The following CCBE1 variants were observed in gnomAD, a reference collection of about 807,000 sequenced individuals.
CCBE1 encodes collagen and calcium-binding EGF domain-containing protein 1.
A neutral mutation model predicts 50.0 loss-of-function variants in CCBE1; 37 were observed. That is an observed-to-expected ratio of 0.74 (90% CI 0.57 to 0.97). CCBE1 has a LOEUF of 0.97. Among genes scored for constraint, CCBE1 ranks in the 50% least tolerant of loss-of-function variants. CCBE1 has a pLI of 0.00. For synonymous variants in CCBE1, 234 were observed against 203.7 expected (o/e 1.15, Z -1.27); for missense variants, 538 against 523.8 (o/e 1.03, Z -0.26).
chr18:59,540,976 C>T (rs190166877), intron 2 of CCBE1, among the ~76,000 whole-genome samples: 1 of 152,270 alleles, frequency 6.6e-6, no homozygotes, highest in Admixed American at 6.5e-5. Context: ...AGACCTAGTC[C>T]CTAGAGGCAG....
intron 2 of CCBE1, among the ~76,000 whole-genome samples, chr18:59,532,528 G>A (rs1351315474): frequency 1.3e-5 from 2 of 152,196 alleles, no homozygotes; most frequent in Non-Finnish European, 2.9e-5. Flanking sequence ...TTGAAGACTA[G>A]CTTGGGCAGG....
At chr18:59,442,682 C>T (rs6567084) in intron 7 of CCBE1, among the ~76,000 whole-genome samples, 1 of 152,038 alleles carries the variant, frequency 6.6e-6, no homozygotes, top group Non-Finnish European at 1.5e-5. Flanking sequence ...GAGCCGAGAT[C>T]ATGCCACTGC....
chr18:59,649,035 G>A (rs1221364281), intron 2 of CCBE1, among the ~76,000 whole-genome samples: 1 of 152,194 alleles, frequency 6.6e-6, no homozygotes, highest in Non-Finnish European at 1.5e-5. Context: ...GGGAAAGGGG[G>A]AGAGTGTCTG....
intron 3 of CCBE1, among the ~76,000 whole-genome samples, chr18:59,477,020 A>T (rs908523146): frequency 1.1e-4 from 16 of 152,210 alleles, no homozygotes; most frequent in African/African-American, 3.4e-4. Context: ...CCTAGTTTCA[A>T]AGGGAGGAAT....
chr18:59,685,516 A>C (rs1400082172), intron 2 of CCBE1, among the ~76,000 whole-genome samples: 1 of 152,176 alleles, frequency 6.6e-6, no homozygotes, highest in African/African-American at 2.4e-5. Context: ...CTGACAAAGA[A>C]CCAGGCTGCT....
intron 3 of CCBE1, among the ~76,000 whole-genome samples, chr18:59,475,429 A>G (rs1332075152): frequency 6.6e-6 from 1 of 152,166 alleles, no homozygotes; most frequent in Non-Finnish European, 1.5e-5. Flanking sequence ...TAACCTTGAG[A>G]CTTATCTGTA....
intron 6 of CCBE1, among the ~76,000 whole-genome samples, chr18:59,450,918 A>G (rs1319342028): frequency 6.6e-6 from 1 of 152,174 alleles, no homozygotes; most frequent in Non-Finnish European, 1.5e-5. Context: ...ATTATTGAGA[A>G]GCCATATAAC....
intron 2 of CCBE1, among the ~76,000 whole-genome samples, chr18:59,649,062 G>A (rs2054093254): frequency 6.6e-6 from 1 of 152,228 alleles, no homozygotes; most frequent in Non-Finnish European, 1.5e-5. Flanking sequence ...GGACGATTCA[G>A]TGGTCCATCA....
intron 2 of CCBE1, among the ~76,000 whole-genome samples, chr18:59,547,846 C>T (rs969873946): frequency 6.6e-6 from 1 of 152,216 alleles, no homozygotes; most frequent in African/African-American, 2.4e-5. Flanking sequence ...GCTTGGCTGC[C>T]ACAGCTGATT....
intron 4 of CCBE1, among the ~76,000 whole-genome samples, chr18:59,468,888 T>C (rs1911886941): frequency 6.6e-6 from 1 of 151,914 alleles, no homozygotes; most frequent in African/African-American, 2.4e-5. Context: ...TTGGGTTAGT[T>C]ATGAACTGAC....
chr18:59,626,328 C>A (rs2053784316), intron 2 of CCBE1, among the ~76,000 whole-genome samples: 1 of 152,134 alleles, frequency 6.6e-6, no homozygotes, highest in Admixed American at 6.5e-5. Flanking sequence ...CCAAGCTTTC[C>A]TTAAGGTGAA....
At chr18:59,672,925 T>A (rs923692734) in intron 2 of CCBE1, among the ~76,000 whole-genome samples, 1 of 151,992 alleles carries the variant, frequency 6.6e-6, no homozygotes, top group Non-Finnish European at 1.5e-5. Flanking sequence ...GGGTGATAGG[T>A]ACATCAAGAT....
intron 2 of CCBE1, among the ~76,000 whole-genome samples, chr18:59,545,625 G>A (rs1014430354): frequency 1.3e-5 from 2 of 152,142 alleles, no homozygotes; most frequent in African/African-American, 4.8e-5. Flanking sequence ...ATAAGGTTTG[G>A]CTGTGTCCAC....
intron 2 of CCBE1, among the ~76,000 whole-genome samples, chr18:59,590,213 A>G (rs1402555925): frequency 1.3e-5 from 2 of 152,188 alleles, no homozygotes; most frequent in Non-Finnish European, 2.9e-5. Flanking sequence ...TAGTAAAACT[A>G]TATGTGCAAA....
chr18:59,579,188 G>C (rs2564485), intron 2 of CCBE1, among the ~76,000 whole-genome samples: 6 of 151,872 alleles, frequency 4.0e-5, no homozygotes, highest in Admixed American at 3.9e-4. Context: ...GACAACTACT[G>C]TAATTGTGTA....
rs2052762365 is a variant in CCBE1 at position 59,562,920 on chromosome 18, G to T, written c.213-82682C>A. On this transcript the variant is annotated intron_variant, in intron 2 of 10. Coordinates refer to ENST00000439986, the MANE Select transcript of CCBE1 (RefSeq NM_133459.4). ...CTCGTTTGTTTCAGTTCTCTTGTTT[G>T]TTTCCCAGTTTGAGTGGTGGTGTTC... Among the ~76,000 whole-genome samples, 3 of 152,244 alleles carry T rather than the reference G, an allele frequency of 2.0e-5. No individual in the cohort carries two copies. The South Asian group carries it at 6.2e-4, about 32-fold the overall frequency.
intron 2 of CCBE1, among the ~76,000 whole-genome samples, chr18:59,576,569 C>T (rs186128793): frequency 6.6e-6 from 1 of 152,272 alleles, no homozygotes; most frequent in East Asian, 1.9e-4. Context: ...CTAAAAGTTG[C>T]CTCTGTCTGC....
chr18:59,560,562 C>T (rs2052721229), intron 2 of CCBE1, among the ~76,000 whole-genome samples: 2 of 152,142 alleles, frequency 1.3e-5, no homozygotes, highest in African/African-American at 4.8e-5. Flanking sequence ...CACATGTATA[C>T]CTATGTAACA....
At chr18:59,596,747 C>G (rs768444514) in intron 2 of CCBE1, among the ~76,000 whole-genome samples, 1 of 152,226 alleles carries the variant, frequency 6.6e-6, no homozygotes, top group African/African-American at 2.4e-5. Context: ...AAAGGCTTGA[C>G]TGTGACCCGA....
Sources: gnomAD v4.1 joint callset for allele counts (sites outside exome capture counted in the v4.1 genomes callset) on GRCh38, gnomAD v4.1.1 for gene constraint, MANE v1.5 for transcripts, NCBI Gene and HGNC (gene_info 2026-07-23, HGNC 2026-07-21) for gene names.